LARGE2: variants seen among roughly 807,000 people sequenced by gnomAD.
LARGE2 encodes LARGE xylosyl- and glucuronyltransferase 2, also known as xylosyl- and glucuronyltransferase LARGE2.
Under a neutral mutation model 75.3 loss-of-function variants are expected in LARGE2, and 63 were observed. The observed-to-expected ratio is 0.84, with a 90% CI of 0.68 to 1.03. The LOEUF is 1.03. Ranked by LOEUF, LARGE2 falls within the 50% of genes least tolerant of loss-of-function variation. The pLI is 0.00. For synonymous variants in LARGE2, 428 were observed against 420.1 expected (o/e 1.02, Z -0.23); for missense variants, 925 against 980.6 (o/e 0.94, Z 0.76).
At position 45,928,375 on chromosome 11, in the gene LARGE2, G is replaced by A. The variant is rs1468246943; in HGVS notation, c.1950+3G>A. ...ACATTGTGGAGCTGGATGCCCAGGT[G>A]AGGAGGGCACCTTGCTGCCTCCACC... On this transcript the variant is annotated splice_donor_region_variant and intron_variant, in intron 13 of 13. Transcript: ENST00000401752. 3.7e-6 allele frequency: 6 copies of A among 1,612,330 alleles called. No homozygotes were observed. The highest frequency in any genetic ancestry group is 5.1e-6 in the Non-Finnish European group (6 of 1,178,776).
intron 2 of LARGE2, 68 bp downstream of exon 2, chr11:45,923,235 T>G: frequency 1.5e-6 from 2 of 1,310,880 alleles, no homozygotes; most frequent in Non-Finnish European, 1.9e-6. Flanking sequence ...CTCTTGGACA[T>G]CTGCGGGAAT....
chr11:45,928,768 T>C lies in LARGE2; in HGVS notation c.2089T>C (p.Leu697=), dbSNP rs945498200. The change falls in exon 14 of 14, where the codon TTG becomes CTG. Residue 697 remains leucine, a synonymous_variant. Transcript: ENST00000401752. ...CCTCAAGGACGAATTCCACCAGGAC[T>C]TGTCCCGCCACCATGGGGCTGCTGC... ...QALKDEFHQD[L]SRHHGAAALK... The C allele has an allele frequency of 2.5e-6, 4 of 1,613,854 alleles. No individual in the cohort carries two copies. The African/African-American group carries it at 4.0e-5, about 16-fold the overall frequency.
intron 3 of LARGE2, among the ~76,000 whole-genome samples, chr11:45,923,896 G>C (rs2087026844): frequency 6.8e-6 from 1 of 146,804 alleles, no homozygotes; most frequent in Non-Finnish European, 1.5e-5. Context: ...TGAGGCAGGA[G>C]AATGGCGTGA....
At chr11:45,923,305 A>G in intron 2 of LARGE2, 138 bp downstream of exon 2, 1 of 1,108,960 alleles carries the variant, frequency 9.0e-7, no homozygotes. Context: ...TCGAACGTGC[A>G]GCTCCTCTGC....
At chr11:45,921,891 C>T (rs557637688), upstream of LARGE2, among the ~76,000 whole-genome samples, 177 of 152,298 alleles carry the variant, frequency 1.2e-3, 3 homozygotes, top group African/African-American at 4.1e-3. Flanking sequence ...ATCCTTAGCA[C>T]AGGGCCTGGC....
At position 45,922,930 on chromosome 11, in the gene LARGE2, G is replaced by A; in HGVS notation, c.48G>A (p.Leu16=). ...RPRALGAAAL[L]LLLLLLGFLL... ...GGGCGCTGGGGGCCGCCGCGCTGTT[G>A]CTGCTGCTGCTGCTGCTCGGATTCC... The change falls in exon 2 of 14, where the codon TTG becomes TTA. Residue 16 remains leucine, a synonymous_variant. Coordinates refer to ENST00000401752, the MANE Select transcript of LARGE2 (RefSeq NM_001300721.2). The A allele has an allele frequency of 5.5e-6, 7 of 1,274,384 alleles. No individual in the cohort carries two copies. Among genetic ancestry groups the A allele is most frequent in the Non-Finnish European group, 6.9e-6 (7 of 1,013,296 alleles). 78.9% of individuals were successfully genotyped at this position (1,274,384 alleles called of 1,614,324 possible).
rs963614275 is a variant in LARGE2 at position 45,927,508 on chromosome 11, G to T, written c.1519G>T (p.Val507Leu). The T allele has an allele frequency of 2.5e-6, 4 of 1,614,074 alleles. No homozygotes were observed. In the Middle Eastern group the frequency reaches 4.9e-4, roughly 199 times the overall value. ...PLYPVNQLRNVALAQALTPYV... is the reference protein window; with the variant it reads ...PLYPVNQLRNLALAQALTPYV... ...ATACCCCGTCAACCAGCTTCGCAACGTGGCCTTGGCCCAGGCCCTCACGCC... is the reference window on the plus strand; with the variant it reads ...ATACCCCGTCAACCAGCTTCGCAACTTGGCCTTGGCCCAGGCCCTCACGCC... Residue 507 changes from valine (V) to leucine (L), a missense_variant, in exon 11 of 14, where the codon GTG (valine) becomes TTG (leucine). Coordinates refer to ENST00000401752, the MANE Select transcript of LARGE2 (RefSeq NM_001300721.2).
chr11:45,924,066 G>A (rs1385120091), intron 3 of LARGE2, 88 bp from the exon 4 acceptor site: 5 of 1,380,494 alleles, frequency 3.6e-6, no homozygotes, highest in African/African-American at 3.0e-5. Flanking sequence ...TGCAGATGGC[G>A]CTTCCATCTC....
chr11:45,927,757 G>A (rs750600432), intron 11 of LARGE2, 163 bp from the exon 12 acceptor site: 32 of 1,422,860 alleles, frequency 2.2e-5, no homozygotes, highest in Non-Finnish European at 2.9e-5. Flanking sequence ...AGGGAGGCCA[G>A]GGCCGGCTTC....
chr11:45,926,911 C>G, intron 10 of LARGE2, 40 bp downstream of exon 10: 3 of 1,569,070 alleles, frequency 1.9e-6, no homozygotes, highest in Non-Finnish European at 2.6e-6. Flanking sequence ...ATGGCATGGG[C>G]TGGGGTTGGA....
chr11:45,923,984 T>C (rs1396111873), intron 3 of LARGE2, among the ~76,000 whole-genome samples, 170 bp from the exon 4 acceptor site: 1 of 44,618 alleles, frequency 2.2e-5, no homozygotes, highest in Non-Finnish European at 3.2e-5. Context: ...AGACTCCGTC[T>C]CAAAAAAAAA....
At chr11:45,927,203 C>T (rs2134748442) in intron 10 of LARGE2, 112 bp from the exon 11 acceptor site, 1 of 1,202,630 alleles carries the variant, frequency 8.3e-7, no homozygotes, top group Non-Finnish European at 1.2e-6. Context: ...GAAGGGTGCT[C>T]AGTAAGTCAC....
chr11:45,926,011 G>A (rs1193361748), intron 6 of LARGE2, 28 bp from the exon 7 acceptor site: 2 of 1,541,168 alleles, frequency 1.3e-6, no homozygotes, highest in Admixed American at 2.0e-5. Context: ...CGTCCCAGGT[G>A]GGCATGACAG....
chr11:45,926,618 C>T (rs1305092278), intron 9 of LARGE2, 21 bp downstream of exon 9: 1 of 1,613,846 alleles, frequency 6.2e-7, no homozygotes, highest in Admixed American at 1.7e-5. Flanking sequence ...GTCACCTTCC[C>T]CTGCCCCTCT....
In LARGE2 at chr11:45,922,910, C is replaced by G. The variant is rs772027674; in HGVS notation, c.28C>G (p.Leu10Val). 10 of 1,275,174 alleles carry G rather than the reference C, an allele frequency of 7.8e-6. No individual in the cohort carries two copies. The East Asian group carries it at 2.5e-4, about 32-fold the overall frequency. 79.0% of individuals were successfully genotyped at this position (1,275,174 alleles called of 1,614,324 possible). Residue 10 changes from leucine to valine, a missense_variant, in exon 2 of 14, where the codon CTG becomes GTG. Physicochemically the swap from Leu to Val is conservative, Grantham distance 32. Around this residue, in one of 3 missense-constraint regions of LARGE2, gnomAD observed 453 missense variants for 460.2 expected, o/e 0.98. Coordinates refer to ENST00000401752, the MANE Select transcript of LARGE2 (RefSeq NM_001300721.2). MLPRGRPRALGAAALLLLLL... is the reference protein window; with the variant it reads MLPRGRPRAVGAAALLLLLL... Reference sequence around the variant, plus strand: ...GCTGCCCCGAGGGCGCCCCCGGGCGCTGGGGGCCGCCGCGCTGTTGCTGCT... The same window carrying G: ...GCTGCCCCGAGGGCGCCCCCGGGCGGTGGGGGCCGCCGCGCTGTTGCTGCT...
chr11:45,922,030 C>T (rs942256844), upstream of LARGE2, among the ~76,000 whole-genome samples: 1 of 152,096 alleles, frequency 6.6e-6, no homozygotes, highest in African/African-American at 2.4e-5. Flanking sequence ...ACGATCTGGA[C>T]AAGAGTGGGG....
chr11:45,922,625 T>C (rs2086956791), upstream of LARGE2: 1 of 300,998 alleles, frequency 3.3e-6, no homozygotes, highest in Non-Finnish European at 6.0e-6. Flanking sequence ...AGGTGAAACC[T>C]GAGCCCAGGT....
Position 45,926,867 on chromosome 11 carries a change from G to A in LARGE2, c.1321G>A (p.Asp441Asn), listed in dbSNP as rs1437681932. 6.2e-7 allele frequency: 1 copy of A among 1,609,878 alleles called. No individual in the cohort carries two copies. The highest frequency in any genetic ancestry group is 1.7e-5 in the Admixed American group (1 of 59,850). The change falls in exon 10 of 14, where the codon GAC (aspartate) becomes AAC (asparagine). Residue 441 changes from aspartate (D) to asparagine (N), a missense_variant. Physicochemically the swap from Asp to Asn is conservative, Grantham distance 23. Around this residue, in one of 3 missense-constraint regions of LARGE2, gnomAD observed 469 missense variants for 503.8 expected, o/e 0.93. Coordinates refer to ENST00000401752, the MANE Select transcript of LARGE2 (RefSeq NM_001300721.2). ...CACCCTTGTGGCCCAGCTGTCCATG[G>A]ACCGGTGAGGGTGCAGAGGGCAGCC... ...DVTLVAQLSM[D>N]RLQMLEALCR... is the part of the protein sequence containing the mutation.
intron 13 of LARGE2, 82 bp from the exon 14 acceptor site, chr11:45,928,548 G>A: frequency 6.4e-7 from 1 of 1,566,750 alleles, no homozygotes; most frequent in Non-Finnish European, 8.7e-7. Context: ...GGGGCTACAG[G>A]GTAAGCCTGT....
Sources: gnomAD v4.1 joint callset for allele counts (sites outside exome capture counted in the v4.1 genomes callset) on GRCh38, gnomAD v4.1.1 for gene constraint, gnomAD v4.1.1 regional missense constraint, MANE v1.5 for transcripts, NCBI Gene and HGNC (gene_info 2026-07-23, HGNC 2026-07-21) for gene names.